TICAM2: variants seen among roughly 807,000 people sequenced by gnomAD.
The protein encoded by TICAM2 is TIR domain-containing adapter molecule 2.
Under a neutral mutation model 7.3 loss-of-function variants are expected in TICAM2, and 8 were observed. That is an observed-to-expected ratio of 1.10 (90% CI 0.65 to 1.99). TICAM2 has a LOEUF of 1.99. TICAM2 is among the 30% of genes most tolerant of loss of function. TICAM2 has a pLI of 0.00. For synonymous variants in TICAM2, 113 were observed against 99.6 expected (o/e 1.13, Z -0.80); for missense variants, 304 against 278.8 (o/e 1.09, Z -0.65).
intron 1 of TICAM2, among the ~76,000 whole-genome samples, chr5:115,587,167 A>G (rs1755136122): frequency 6.6e-6 from 1 of 152,216 alleles, no homozygotes; most frequent in South Asian, 2.1e-4. Context: ...GAGGTTCCTT[A>G]TAAGGAACCT....
chr5:115,585,940 G>A (rs1392905282), intron 1 of TICAM2, among the ~76,000 whole-genome samples: 3 of 152,180 alleles, frequency 2.0e-5, no homozygotes, highest in African/African-American at 4.8e-5. Context: ...GATGGTAGTA[G>A]TAAAAGTGGT....
chr5:115,596,498 G>A (rs1225912920), intron 1 of TICAM2, among the ~76,000 whole-genome samples: 1 of 152,176 alleles, frequency 6.6e-6, no homozygotes, highest in African/African-American at 2.4e-5. Flanking sequence ...GTCTGTAAGA[G>A]TTGTCAGAAT....
intron 1 of TICAM2, among the ~76,000 whole-genome samples, chr5:115,596,587 A>G (rs891932224): frequency 6.6e-6 from 1 of 152,154 alleles, no homozygotes; most frequent in African/African-American, 2.4e-5. Flanking sequence ...TTAAATATAA[A>G]TGCCTAGTAA....
At chr5:115,592,777 T>TA (rs1230293763) in intron 1 of TICAM2, among the ~76,000 whole-genome samples, 3 of 152,116 alleles carry the variant, frequency 2.0e-5, no homozygotes, top group South Asian at 2.1e-4. Context: ...GGATCCTTTT[T>TA]AAAAAAAGGA....
chr5:115,592,198 C>T (rs1318723700), intron 1 of TICAM2, among the ~76,000 whole-genome samples: 1 of 152,156 alleles, frequency 6.6e-6, no homozygotes, highest in Non-Finnish European at 1.5e-5. Context: ...AATGGGATCT[C>T]AGTGATGATC....
intron 1 of TICAM2, among the ~76,000 whole-genome samples, chr5:115,588,123 T>C (rs565264348): frequency 4.9e-4 from 75 of 152,248 alleles, no homozygotes; most frequent in Non-Finnish European, 8.7e-4. Flanking sequence ...GAGAGGCCAA[T>C]ACTCATAACT....
intron 1 of TICAM2, among the ~76,000 whole-genome samples, chr5:115,596,501 G>C (rs1755515986): frequency 6.6e-6 from 1 of 152,154 alleles, no homozygotes; most frequent in Admixed American, 6.5e-5. Flanking sequence ...TGTAAGAGTT[G>C]TCAGAATCAA....
At position 115,595,153 on chromosome 5, in the gene TICAM2, A is replaced by C. The variant is rs150942046; in HGVS notation, c.-60+6944T>G. On this transcript the variant is annotated intron_variant, in intron 1 of 1. Coordinates refer to ENST00000427199, the MANE Select transcript of TICAM2 (RefSeq NM_021649.7). ...GTCAAGCGAATAGTACCTGGGCCAT[A>C]ATAGGTACTCAATAAGCACAGGGTA... Among the ~76,000 whole-genome samples, 452 of 152,294 alleles carry C rather than the reference A, an allele frequency of 3.0e-3. 3 individuals carry two copies. The highest frequency in any genetic ancestry group is 0.011 in the African/African-American group (437 of 41,564).
rs1754824803 is a variant in TICAM2 at position 115,579,104 on chromosome 5, G to C, written c.*1445C>G. The C allele has an allele frequency of 6.6e-6, 1 of 152,626 alleles. No homozygotes were observed. Among genetic ancestry groups the C allele is most frequent in the Non-Finnish European group, 1.5e-5 (1 of 68,028 alleles). 9.5% of individuals were successfully genotyped at this position (152,626 alleles called of 1,614,324 possible). ...TTTATTTTTAAGAAAGCCTGAGTAA[G>C]CATGTATATTTTTTTCCTGTGACTT... On this transcript the variant is annotated 3_prime_UTR_variant, in exon 2 of 2. Coordinates refer to ENST00000427199, the MANE Select transcript of TICAM2 (RefSeq NM_021649.7).
chr5:115,599,229 G>C (rs184437431), intron 1 of TICAM2, among the ~76,000 whole-genome samples: 13 of 152,006 alleles, frequency 8.6e-5, no homozygotes, highest in Non-Finnish European at 1.3e-4. Context: ...ACCATTCAAA[G>C]AGTCTCCAAA....
At chr5:115,588,873 C>G (rs185157299) in intron 1 of TICAM2, among the ~76,000 whole-genome samples, 2 of 152,146 alleles carry the variant, frequency 1.3e-5, no homozygotes, top group African/African-American at 4.8e-5. Flanking sequence ...TGCCAAAAGC[C>G]CCAGGCCAGT....
chr5:115,581,870 T>C (rs952387926), intron 1 of TICAM2: 1 of 153,030 alleles, frequency 6.5e-6, no homozygotes, highest in Non-Finnish European at 1.5e-5. Context: ...CAGGATTTAC[T>C]GGTTCGGAGC....
intron 1 of TICAM2, among the ~76,000 whole-genome samples, chr5:115,598,055 G>C (rs1755580092): frequency 6.6e-6 from 1 of 151,984 alleles, no homozygotes. Flanking sequence ...ACACATACAT[G>C]TTCACCTTTT....
At chr5:115,598,641 C>T (rs1256238349) in intron 1 of TICAM2, among the ~76,000 whole-genome samples, 1 of 152,172 alleles carries the variant, frequency 6.6e-6, no homozygotes, top group Non-Finnish European at 1.5e-5. Flanking sequence ...CTAGTTTCTG[C>T]TTAACCCCCC....
intron 1 of TICAM2, among the ~76,000 whole-genome samples, chr5:115,592,713 C>T (rs1315523943): frequency 6.6e-6 from 1 of 152,090 alleles, no homozygotes; most frequent in Non-Finnish European, 1.5e-5. Flanking sequence ...AATTATAGAT[C>T]AGTCTAACTC....
intron 1 of TICAM2, among the ~76,000 whole-genome samples, chr5:115,586,060 G>A (rs756934476): frequency 2.6e-5 from 4 of 152,162 alleles, no homozygotes; most frequent in African/African-American, 7.2e-5. Context: ...AAAGGTTCCA[G>A]CAGGGAGATG....
rs1009345663 is a variant in TICAM2, at chr5:115,580,567, T to A, written c.690A>T (p.Gln230His). The change falls in exon 2 of 2, where the codon CAA becomes CAT. Residue 230 changes from glutamine (Q) to histidine (H), a missense_variant. Coordinates refer to ENST00000427199, the MANE Select transcript of TICAM2 (RefSeq NM_021649.7). ...TIWKETRNMV[Q>H]RQFIA is the part of the protein sequence containing the mutation. ...TTTCATCTCAGGCAATAAATTGTCT[T>A]TGTACCATATTTCTTGTCTCTTTCC... 18 of 1,597,500 alleles carry A rather than the reference T, an allele frequency of 1.1e-5. No individual in the cohort carries two copies. Among genetic ancestry groups the A allele is most frequent in the Non-Finnish European group, 1.4e-5 (17 of 1,174,888 alleles).
intron 1 of TICAM2, among the ~76,000 whole-genome samples, chr5:115,586,895 C>T (rs1418776125): frequency 6.6e-6 from 1 of 152,190 alleles, no homozygotes; most frequent in African/African-American, 2.4e-5. Context: ...TGCACAGGTG[C>T]TTTATTCAGA....
In TICAM2 at chr5:115,580,906, A is replaced by T. The variant is rs1561572399; in HGVS notation, c.351T>A (p.Cys117Ter). ...CTAAATTCTGTAAATGCTGTCTGCC[A>T]CATGGCATCTCAGCAAAGATTATTC... The part of the protein sequence containing the change: ...KPGIIFAEMP[C>*]GRQHLQNLDD... The change falls in exon 2 of 2, where the codon TGT becomes TGA. Residue 117 changes from cysteine to a stop codon, truncating the protein, a stop_gained. Coordinates refer to ENST00000427199, the MANE Select transcript of TICAM2 (RefSeq NM_021649.7). LOFTEE classifies it high-confidence loss of function. The T allele has an allele frequency of 2.5e-6, 4 of 1,613,930 alleles. No individual in the cohort carries two copies. Among genetic ancestry groups the T allele is most frequent in the Non-Finnish European group, 2.5e-6 (3 of 1,179,802 alleles).
Sources: allele counts gnomAD v4.1 joint callset (sites outside exome capture counted in the v4.1 genomes callset), GRCh38; gene constraint gnomAD v4.1.1; transcripts MANE v1.5; gene names NCBI Gene and HGNC (gene_info 2026-07-23, HGNC 2026-07-21).